NIPSNAP3B: variants seen among roughly 807,000 people sequenced by gnomAD.
The protein encoded by NIPSNAP3B is protein NipSnap homolog 3B.
NIPSNAP3B carries 30 observed loss-of-function variants against 31.5 expected under a neutral mutation model. The ratio of observed to expected loss-of-function variants is 0.95; its 90% CI spans 0.71 to 1.29. The LOEUF (loss-of-function observed/expected upper bound fraction) is 1.29. NIPSNAP3B is among the 50% of genes most tolerant of loss of function. The pLI, the probability that NIPSNAP3B is intolerant of heterozygous loss-of-function variation, is 0.00. For missense variants in NIPSNAP3B, 269 were observed against 300.7 expected (o/e 0.89, Z 0.78); for synonymous variants, 106 against 107.9 (o/e 0.98, Z 0.11).
At chr9:104,785,327 A>G in the NIPSNAP3B span, 1 of 1,596,962 alleles carries the variant, frequency 6.3e-7, no homozygotes, top group African/African-American at 1.3e-5. Context: ...TCTTGGACCT[A>G]TGGGCGGGAG....
In NIPSNAP3B at chr9:104,775,940, T is replaced by A. The variant is rs1828326594; in HGVS notation, c.*2867T>A. Among the ~76,000 whole-genome samples the A allele has an allele frequency of 6.6e-6, 1 of 152,198 alleles. No homozygotes were observed. The highest frequency in any genetic ancestry group is 1.5e-5 in the Non-Finnish European group (1 of 68,030). On this transcript the variant is annotated 3_prime_UTR_variant, in exon 6 of 6. Transcript: ENST00000374762. ...TGGTTCAAGCCCATCATCATCTGGA[T>A]TTTTGGGAAGTGGTCTTAACTGGTG... is the stretch of plus-strand genomic sequence containing the variant.
chr9:104,765,883 AT>A (rs1828080424), intron 1 of NIPSNAP3B, among the ~76,000 whole-genome samples: 1 of 152,170 alleles, frequency 6.6e-6, no homozygotes, highest in Admixed American at 6.5e-5. Flanking sequence ...TAGTAAACGT[AT>A]TTTTGGGCCT....
chr9:104,787,953 C>T, the NIPSNAP3B span: 1 of 1,614,102 alleles, frequency 6.2e-7, no homozygotes, highest in African/African-American at 1.3e-5. Context: ...CGATCAAAGC[C>T]ATGGCTGTAG....
chr9:104,786,389 T>C, the NIPSNAP3B span: 1 of 1,613,960 alleles, frequency 6.2e-7, no homozygotes, highest in Non-Finnish European at 8.5e-7. Flanking sequence ...CATTCTTCCA[T>C]ACTGCGGTAA....
rs890759574 is a variant in NIPSNAP3B at position 104,775,567 on chromosome 9, C to T, written c.*2494C>T. 6.6e-6 allele frequency among the ~76,000 whole-genome samples: 1 copy of T among 152,130 alleles called. No homozygotes were observed. Among genetic ancestry groups the T allele is most frequent in the East Asian group, 1.9e-4 (1 of 5,180 alleles). ...ACCCCCAGTCTTGTGGCTTCAAATGCTATCTGTGTGTGGATAGCTCCTCCA... is the reference window on the plus strand; with the variant it reads ...ACCCCCAGTCTTGTGGCTTCAAATGTTATCTGTGTGTGGATAGCTCCTCCA... On this transcript the variant is annotated 3_prime_UTR_variant, in exon 6 of 6. Transcript: ENST00000374762.
the NIPSNAP3B span, chr9:104,787,738 A>T: frequency 1.4e-6 from 1 of 735,068 alleles, no homozygotes; most frequent in Admixed American, 6.3e-5. Context: ...ATCTGCAGGC[A>T]TGGTACAGCC....
intron 4 of NIPSNAP3B, 124 bp from the exon 5 acceptor site, chr9:104,772,693 CTAACA>C (rs1168554524): frequency 1.1e-4 from 122 of 1,134,410 alleles, no homozygotes; most frequent in Non-Finnish European, 9.7e-5. Context: ...AATCTTATAA[CTAACA>C]TATTTAGTTT....
rs1333361703 is a variant in NIPSNAP3B at position 104,764,311 on chromosome 9, C to T, written c.60+11C>T. 6.4e-7 allele frequency: 1 copy of T among 1,570,822 alleles called. No individual in the cohort carries two copies. Among genetic ancestry groups the T allele is most frequent in the Non-Finnish European group, 8.6e-7 (1 of 1,160,708 alleles). ...ACGCTCGCGCCTCAGGTACTGGCCG[C>T]GGGGGCGCGCCCGAGCCCTGGCCGG... On this transcript the variant is annotated intron_variant, in intron 1 of 5. Transcript: ENST00000374762.
At chr9:104,770,461 A>G (rs1251904949) in intron 3 of NIPSNAP3B, among the ~76,000 whole-genome samples, 1 of 152,190 alleles carries the variant, frequency 6.6e-6, no homozygotes, top group African/African-American at 2.4e-5. Context: ...GATATCAGAA[A>G]GTACTTCTCT....
chr9:104,766,011 C>G (rs1828083211), intron 1 of NIPSNAP3B, among the ~76,000 whole-genome samples: 1 of 152,118 alleles, frequency 6.6e-6, no homozygotes, highest in South Asian at 2.1e-4. Flanking sequence ...ATTAAAGAGA[C>G]TAAGTCTTAA....
chr9:104,767,582 C>T (rs1471015125), intron 2 of NIPSNAP3B, among the ~76,000 whole-genome samples: 1 of 152,094 alleles, frequency 6.6e-6, no homozygotes, highest in Non-Finnish European at 1.5e-5. Context: ...TATAATAAAA[C>T]AGACCCTATT....
At chr9:104,788,108 C>G in the NIPSNAP3B span, 2 of 1,546,272 alleles carry the variant, frequency 1.3e-6, no homozygotes, top group Non-Finnish European at 1.8e-6. Context: ...TTTTATCATG[C>G]TGTCCTACAC....
chr9:104,780,943 T>C (rs1304507052), downstream of NIPSNAP3B: 1 of 152,642 alleles, frequency 6.6e-6, no homozygotes, highest in Non-Finnish European at 1.5e-5. Context: ...CCCCTCTACT[T>C]TTCTAATGGC....
Position 104,770,342 on chromosome 9 carries a change from A to G in NIPSNAP3B, c.431-507A>G, listed in dbSNP as rs73517834. ...CTTGAGGGTTTTCTTTTTTTCCTTA[A>G]AGGCTCAGACATGACTTTGGGTCAA... On this transcript the variant is annotated intron_variant, in intron 3 of 5. Coordinates refer to ENST00000374762, the MANE Select transcript of NIPSNAP3B (RefSeq NM_018376.4). Among the ~76,000 whole-genome samples, 151 of 152,262 alleles carry G rather than the reference A, an allele frequency of 9.9e-4. 1 individual carries two copies. Among genetic ancestry groups the G allele is most frequent in the African/African-American group, 3.5e-3 (144 of 41,558 alleles).
chr9:104,769,087 G>A, intron 3 of NIPSNAP3B, 66 bp downstream of exon 3: 2 of 1,198,884 alleles, frequency 1.7e-6, no homozygotes, highest in South Asian at 1.7e-5. Flanking sequence ...AAGTTATAAA[G>A]AGTAAAGTTC....
At chr9:104,780,545 T>C (rs1316166553), downstream of NIPSNAP3B, among the ~76,000 whole-genome samples, 1 of 152,222 alleles carries the variant, frequency 6.6e-6, no homozygotes, top group Non-Finnish European at 1.5e-5. Context: ...ATCATTTCTG[T>C]TTCCATATCT....
chr9:104,769,110 A>C (rs1488085649), intron 3 of NIPSNAP3B, 89 bp downstream of exon 3: 14 of 923,106 alleles, frequency 1.5e-5, no homozygotes, highest in Non-Finnish European at 2.2e-5. Flanking sequence ...TAGGAAAAAA[A>C]TATATAATTC....
the NIPSNAP3B span, chr9:104,786,330 C>T: frequency 6.2e-7 from 1 of 1,614,144 alleles, no homozygotes; most frequent in South Asian, 1.1e-5. Flanking sequence ...TGCCAAGGCA[C>T]CTGAACCTTC....
rs1828040938 is a variant in NIPSNAP3B at position 104,764,264 on chromosome 9, G to A, written c.24G>A (p.Leu8=). The A allele has an allele frequency of 1.9e-6, 3 of 1,599,896 alleles. No homozygotes were observed. The highest frequency in any genetic ancestry group is 1.1e-5 in the South Asian group (1 of 88,552). ...CCATGCTCGTTCTCAGAAGCGGCCT[G>A]ACCAAGGCGCTTGCCTCACGGACGC... The part of the protein sequence containing the change: MLVLRSG[L]TKALASRTLA... Residue 8 remains leucine, a synonymous_variant, in exon 1 of 6, where the codon CTG becomes CTA. Transcript: ENST00000374762.
Sources: gnomAD v4.1 joint callset for allele counts (sites outside exome capture counted in the v4.1 genomes callset) on GRCh38, gnomAD v4.1.1 for gene constraint, MANE v1.5 for transcripts, NCBI Gene and HGNC (gene_info 2026-07-23, HGNC 2026-07-21) for gene names.